Variants in KANK1 observed in about 807,000 individuals in gnomAD.
The protein encoded by KANK1 is KN motif and ankyrin repeat domains 1, also known as KN motif and ankyrin repeat domain-containing protein 1.
KANK1 carries 109 observed loss-of-function variants against 106.2 expected under a neutral mutation model. The ratio of observed to expected loss-of-function variants is 1.03; its 90% CI spans 0.88 to 1.20. The LOEUF is 1.20. KANK1 is among the 50% of genes most tolerant of loss of function. The pLI, the probability that KANK1 is intolerant of heterozygous loss-of-function variation, is 0.00. For synonymous variants in KANK1, 873 were observed against 652.2 expected (o/e 1.34, Z -5.16); for missense variants, 2,399 against 1,710.7 (o/e 1.40, Z -7.10).
chr9:492,131 A>T (rs149529768), intron 3 of KANK1: 1 of 152,254 alleles, frequency 6.6e-6, no homozygotes, highest in Admixed American at 6.5e-5. Flanking sequence ...TGGACAGGAG[A>T]CAGGGAAGAG....
intron 3 of KANK1, among the ~76,000 whole-genome samples, chr9:718,101 G>A (rs937588411): frequency 3.3e-5 from 5 of 152,034 alleles, no homozygotes; most frequent in Admixed American, 6.6e-5. Flanking sequence ...TTTTCTCCTC[G>A]TTCAAATAAT....
intron 1 of KANK1, among the ~76,000 whole-genome samples, chr9:670,949 G>GTTTTTTTTTTTTT (rs5895857): frequency 9.7e-6 from 1 of 103,044 alleles, no homozygotes; most frequent in African/African-American, 3.3e-5. Flanking sequence ...GTCTGCTGGA[G>GTTTTTTTTTTTTT]TTTTTTTTTT....
chr9:644,543 G>GGAAGAGA lies in KANK1; in HGVS notation c.-83-32344_-83-32338dup, dbSNP rs924677578. Among the ~76,000 whole-genome samples, 9 of 150,764 alleles carry GGAAGAGA rather than the reference G, an allele frequency of 6.0e-5. 2 individuals are homozygous for GGAAGAGA. The highest frequency in any genetic ancestry group is 2.2e-4 in the African/African-American group (9 of 40,086). ...CACGTTTTACGTGGCCAGAGCAGGA[G>GGAAGAGA]GAAGAGAGAGGAGAGAGGTGCTACA... On this transcript the variant is annotated intron_variant, in intron 1 of 11. Coordinates refer to ENST00000382297, the MANE Select transcript of KANK1 (RefSeq NM_015158.5).
intron 2 of KANK1, among the ~76,000 whole-genome samples, chr9:704,203 A>C (rs1193553573): frequency 6.6e-6 from 1 of 152,226 alleles, no homozygotes; most frequent in Non-Finnish European, 1.5e-5. Flanking sequence ...AAGACCCAAA[A>C]CAAACGATAG....
At chr9:485,889 AAAG>A (rs894437448) in intron 3 of KANK1, among the ~76,000 whole-genome samples, 126 of 151,146 alleles carry the variant, frequency 8.3e-4, no homozygotes, top group Middle Eastern at 3.4e-3. Flanking sequence ...AAAAAAAAGA[AAAG>A]AAAAAGAGAG....
intron 1 of KANK1, among the ~76,000 whole-genome samples, chr9:559,879 T>C (rs1815928352): frequency 6.6e-6 from 1 of 152,332 alleles, no homozygotes; most frequent in South Asian, 2.1e-4. Context: ...TCACATACTC[T>C]TCCTTCTGCT....
chr9:627,968 A>G (rs1266166451), intron 1 of KANK1, among the ~76,000 whole-genome samples: 1 of 152,210 alleles, frequency 6.6e-6, no homozygotes, highest in East Asian at 1.9e-4. Flanking sequence ...AAAGAAAAAC[A>G]CAGAATCTGA....
In KANK1 at chr9:609,473, C is replaced by CA. The variant is rs565221748; in HGVS notation, c.-83-67411dup. 3.9e-5 allele frequency among the ~76,000 whole-genome samples: 6 copies of CA among 152,052 alleles called. No individual in the cohort carries two copies. The South Asian group carries it at 1.2e-3, about 32-fold the overall frequency. Reference sequence around the variant, plus strand: ...TGAAACCCCATCTCTACTAAAAATACAAAAAATTAGCTGGGTGTGGTGGCG... The same window carrying CA: ...TGAAACCCCATCTCTACTAAAAATACAAAAAAATTAGCTGGGTGTGGTGGCG... On this transcript the variant is annotated intron_variant, in intron 1 of 11. Coordinates refer to ENST00000382297, the MANE Select transcript of KANK1 (RefSeq NM_015158.5).
intron 2 of KANK1, among the ~76,000 whole-genome samples, chr9:703,405 C>T (rs1823192334): frequency 6.6e-6 from 1 of 152,126 alleles, no homozygotes; most frequent in Admixed American, 6.5e-5. Context: ...TTTCCTCTTA[C>T]TCCTTCCACT....
At chr9:586,693 A>G (rs770285164) in intron 1 of KANK1, among the ~76,000 whole-genome samples, 6 of 152,310 alleles carry the variant, frequency 3.9e-5, no homozygotes, top group Admixed American at 2.6e-4. Flanking sequence ...TGTTTGTACT[A>G]CCAAACACAC....
chr9:556,122 G>C (rs1021408153), intron 1 of KANK1, among the ~76,000 whole-genome samples: 1 of 152,130 alleles, frequency 6.6e-6, no homozygotes, highest in Non-Finnish European at 1.5e-5. Flanking sequence ...AATACCCAAA[G>C]AATTGTAACT....
At chr9:571,255 C>A (rs774974923) in intron 1 of KANK1, among the ~76,000 whole-genome samples, 1 of 152,086 alleles carries the variant, frequency 6.6e-6, no homozygotes, top group African/African-American at 2.4e-5. Flanking sequence ...CAGAAATACT[C>A]GATACAGTTA....
intron 3 of KANK1, among the ~76,000 whole-genome samples, chr9:497,546 AAAC>A (rs986747919): frequency 5.9e-5 from 9 of 152,200 alleles, no homozygotes; most frequent in African/African-American, 2.2e-4. Flanking sequence ...AACTTTCAAA[AAAC>A]CCTTAATTAT....
intron 3 of KANK1, among the ~76,000 whole-genome samples, chr9:496,308 C>G (rs946859505): frequency 3.3e-5 from 5 of 152,188 alleles, no homozygotes; most frequent in African/African-American, 1.2e-4. Context: ...AATCCCAGTA[C>G]TCTAGGAGGC....
At chr9:498,370 G>A (rs2058490464) in intron 3 of KANK1, among the ~76,000 whole-genome samples, 1 of 152,112 alleles carries the variant, frequency 6.6e-6, no homozygotes, top group Non-Finnish European at 1.5e-5. Flanking sequence ...ATTAATACTA[G>A]ATTAGCTTAA....
intron 1 of KANK1, among the ~76,000 whole-genome samples, chr9:580,585 C>T (rs1465386384): frequency 6.6e-6 from 1 of 152,252 alleles, no homozygotes; most frequent in East Asian, 1.9e-4. Flanking sequence ...ACACAGAGCA[C>T]TGACTGGTGC....
At chr9:533,134 T>C (rs2060141897) in intron 1 of KANK1, among the ~76,000 whole-genome samples, 1 of 152,110 alleles carries the variant, frequency 6.6e-6, no homozygotes, top group South Asian at 2.1e-4. Context: ...CAAAGCTGAG[T>C]GTGTGAGGTT....
intron 1 of KANK1, among the ~76,000 whole-genome samples, chr9:543,249 A>G (rs1190758197): frequency 6.6e-6 from 1 of 152,094 alleles, no homozygotes; most frequent in Non-Finnish European, 1.5e-5. Context: ...TTTCTATACA[A>G]TGTAATGTGC....
At chr9:526,691 G>A (rs916887147) in intron 1 of KANK1, among the ~76,000 whole-genome samples, 2 of 151,756 alleles carry the variant, frequency 1.3e-5, no homozygotes, top group Non-Finnish European at 2.9e-5. Context: ...TTTCCCACCT[G>A]ATTCCCTCTC....
Sources: gnomAD v4.1 joint callset for allele counts (sites outside exome capture counted in the v4.1 genomes callset) on GRCh38, gnomAD v4.1.1 for gene constraint, MANE v1.5 for transcripts, NCBI Gene and HGNC (gene_info 2026-07-23, HGNC 2026-07-21) for gene names.